INPP4B: variants seen among roughly 807,000 people sequenced by gnomAD.
The protein encoded by INPP4B is inositol polyphosphate 4-phosphatase type II.
INPP4B carries 55 observed loss-of-function variants against 122.5 expected under a neutral mutation model. The ratio of observed to expected loss-of-function variants is 0.45; its 90% CI spans 0.36 to 0.56. INPP4B has a LOEUF of 0.56. Ranked by LOEUF, INPP4B falls within the 20% of genes least tolerant of loss-of-function variation. INPP4B has a pLI of 0.00. For synonymous variants in INPP4B, 403 were observed against 388.7 expected (o/e 1.04, Z -0.43); for missense variants, 1,000 against 1,097.7 (o/e 0.91, Z 1.26).
intron 18 of INPP4B, among the ~76,000 whole-genome samples, chr4:142,136,612 A>T (rs1275804684): frequency 3.9e-5 from 6 of 152,178 alleles, no homozygotes; most frequent in African/African-American, 1.4e-4. Flanking sequence ...TGGATCATGG[A>T]GGATGAGGCA....
intron 21 of INPP4B, among the ~76,000 whole-genome samples, chr4:142,114,194 T>C (rs917271741): frequency 2.0e-5 from 3 of 152,112 alleles, no homozygotes; most frequent in Admixed American, 2.0e-4. Flanking sequence ...TATCACTTTT[T>C]GTCAACACGT....
chr4:142,258,421 A>G (rs1233205928), intron 11 of INPP4B, among the ~76,000 whole-genome samples: 1 of 152,112 alleles, frequency 6.6e-6, no homozygotes, highest in African/African-American at 2.4e-5. Flanking sequence ...CAGGCAACCT[A>G]CAAAATGGGA....
intron 7 of INPP4B, among the ~76,000 whole-genome samples, chr4:142,365,474 C>A (rs187837342): frequency 6.6e-6 from 1 of 152,260 alleles, no homozygotes; most frequent in East Asian, 1.9e-4. Flanking sequence ...TGAACATTTG[C>A]AGCCCTTTCA....
chr4:142,301,873 G>C (rs945072051), intron 9 of INPP4B, among the ~76,000 whole-genome samples: 1 of 152,150 alleles, frequency 6.6e-6, no homozygotes, highest in Non-Finnish European at 1.5e-5. Context: ...CTTTGCATCT[G>C]TGGTTGTTTA....
chr4:142,481,628 T>C (rs537758134), intron 2 of INPP4B, among the ~76,000 whole-genome samples: 1 of 152,182 alleles, frequency 6.6e-6, no homozygotes, highest in South Asian at 2.1e-4. Flanking sequence ...ATAGTTGTAT[T>C]AACTCTCTTG....
intron 25 of INPP4B, among the ~76,000 whole-genome samples, chr4:142,046,465 T>C (rs1038614227): frequency 6.6e-6 from 1 of 152,014 alleles, no homozygotes; most frequent in Non-Finnish European, 1.5e-5. Context: ...CTAAAAGATG[T>C]ATGAATGTAG....
chr4:142,558,491 A>G (rs1729688828), intron 2 of INPP4B, among the ~76,000 whole-genome samples: 3 of 152,278 alleles, frequency 2.0e-5, no homozygotes, highest in African/African-American at 2.4e-5. Context: ...AGAAAAAGTT[A>G]TTACTAATAT....
intron 3 of INPP4B, among the ~76,000 whole-genome samples, chr4:142,434,562 G>C (rs547178356): frequency 1.1e-4 from 16 of 152,304 alleles, no homozygotes; most frequent in Admixed American, 1.0e-3. Context: ...ATAAGCCTGA[G>C]AAAAGACTAC....
At chr4:142,646,143 C>T (rs1751730699) in intron 2 of INPP4B, among the ~76,000 whole-genome samples, 1 of 152,128 alleles carries the variant, frequency 6.6e-6, no homozygotes, top group Non-Finnish European at 1.5e-5. Context: ...TGAGTATATA[C>T]ATTTATCAAA....
intron 14 of INPP4B, among the ~76,000 whole-genome samples, chr4:142,194,248 T>C (rs1258660723): frequency 6.6e-6 from 1 of 152,102 alleles, no homozygotes; most frequent in Admixed American, 6.6e-5. Context: ...AACCCGTCAA[T>C]AAGGCATACA....
At chr4:142,287,628 T>G (rs968685732) in intron 9 of INPP4B, 1 of 152,180 alleles carries the variant, frequency 6.6e-6, no homozygotes, top group Non-Finnish European at 1.5e-5. Context: ...AACCCCATCC[T>G]GTGGAACAGA....
intron 2 of INPP4B, among the ~76,000 whole-genome samples, chr4:142,615,960 T>C (rs976165472): frequency 6.6e-6 from 1 of 152,122 alleles, no homozygotes; most frequent in Non-Finnish European, 1.5e-5. Context: ...AGAAGTCATA[T>C]ACAAAATATG....
At chr4:142,794,401 G>C (rs1369658407) in intron 1 of INPP4B, among the ~76,000 whole-genome samples, 22 of 151,830 alleles carry the variant, frequency 1.4e-4, no homozygotes, top group Non-Finnish European at 2.9e-5. Context: ...AAAAAGGATG[G>C]ACTTTTCAGT....
At chr4:142,368,882 G>C (rs1412178768) in intron 7 of INPP4B, among the ~76,000 whole-genome samples, 8 of 152,068 alleles carry the variant, frequency 5.3e-5, no homozygotes, top group Non-Finnish European at 1.0e-4. Context: ...AGGATTCCAA[G>C]TGAGTGTGGG....
intron 2 of INPP4B, among the ~76,000 whole-genome samples, chr4:142,555,209 T>A (rs1053635654): frequency 2.6e-5 from 4 of 152,166 alleles, no homozygotes; most frequent in Non-Finnish European, 5.9e-5. Context: ...AACCTGCAGA[T>A]GTGCTTCAAG....
intron 12 of INPP4B, among the ~76,000 whole-genome samples, chr4:142,216,136 C>G (rs1308841058): frequency 6.6e-6 from 1 of 152,086 alleles, no homozygotes; most frequent in Non-Finnish European, 1.5e-5. Flanking sequence ...CTTTCAATCA[C>G]TACTTTGCAA....
chr4:142,172,965 CT>C (rs1231330014), intron 16 of INPP4B, among the ~76,000 whole-genome samples: 2 of 151,942 alleles, frequency 1.3e-5, no homozygotes, highest in East Asian at 3.9e-4. Context: ...TCTATCTCAG[CT>C]TTCTATCACA....
chr4:142,391,350 G>A (rs912174513), intron 7 of INPP4B, among the ~76,000 whole-genome samples: 10 of 152,154 alleles, frequency 6.6e-5, no homozygotes, highest in African/African-American at 2.4e-4. Flanking sequence ...CTGAGGTCAG[G>A]AGTTCATGAC....
chr4:142,728,395 C>T (rs1320776679), intron 1 of INPP4B, among the ~76,000 whole-genome samples: 1 of 152,206 alleles, frequency 6.6e-6, no homozygotes, highest in African/African-American at 2.4e-5. Context: ...ATCTGCATAA[C>T]ATCTGTTGTG....
Sources: allele counts gnomAD v4.1 joint callset (sites outside exome capture counted in the v4.1 genomes callset), GRCh38; gene constraint gnomAD v4.1.1; transcripts MANE v1.5; gene names NCBI Gene and HGNC (gene_info 2026-07-23, HGNC 2026-07-21).